Variants in GSG1L observed in about 807,000 individuals in gnomAD.
GSG1L encodes the protein GSG1 like, also known as germ cell-specific gene 1-like protein.
GSG1L carries 24 observed loss-of-function variants against 42.1 expected under a neutral mutation model. The observed-to-expected ratio is 0.57, with a 90% CI of 0.41 to 0.80. The LOEUF (loss-of-function observed/expected upper bound fraction) is 0.80, where lower values mean the gene tolerates loss of function less well. GSG1L is among the 30% of genes least tolerant of loss of function. The probability of loss-of-function intolerance (pLI) is 0.00; values close to 1 mark genes in which losing one functional copy is unlikely to be tolerated. For missense variants in GSG1L, 445 were observed against 472.2 expected, an observed-to-expected ratio of 0.94 and a Z score of 0.53; for synonymous variants, 215 against 203.5, an observed-to-expected ratio of 1.06 and a Z score of -0.48.
At chr16:27,848,096 C>T (rs1278144656) in intron 3 of GSG1L, among the ~76,000 whole-genome samples, 7 of 152,132 alleles carry the variant, frequency 4.6e-5, no homozygotes, top group Admixed American at 4.6e-4. Context: ...GATTCAGTGG[C>T]TTATATTTAT....
chr16:27,923,746 AAGGAAG>A (rs761580324), intron 2 of GSG1L, among the ~76,000 whole-genome samples: 52 of 138,384 alleles, frequency 3.8e-4, no homozygotes, highest in East Asian at 3.4e-3. Context: ...AAAAAAAAAA[AAGGAAG>A]AAAGAAAGAA....
At chr16:27,807,438 G>A (rs1406767442) in intron 6 of GSG1L, 49 bp downstream of exon 6, 5 of 1,495,372 alleles carry the variant, frequency 3.3e-6, no homozygotes, top group Non-Finnish European at 4.6e-6. Context: ...TTTCTCCTCT[G>A]GCAGCCCATG....
intron 1 of GSG1L, among the ~76,000 whole-genome samples, chr16:28,006,928 G>A (rs2085646958): frequency 6.6e-6 from 1 of 152,074 alleles, no homozygotes; most frequent in African/African-American, 2.4e-5. Flanking sequence ...TTTGCAGCTG[G>A]CACAGCATCT....
intron 4 of GSG1L, among the ~76,000 whole-genome samples, chr16:27,843,500 T>C (rs1271977128): frequency 1.6e-5 from 2 of 122,492 alleles, no homozygotes; most frequent in Admixed American, 9.2e-5. Context: ...GAGCAGAGAC[T>C]CTGTAAAAAA....
intron 6 of GSG1L, among the ~76,000 whole-genome samples, chr16:27,799,926 A>C (rs982574794): frequency 1.3e-5 from 2 of 152,152 alleles, no homozygotes; most frequent in African/African-American, 4.8e-5. Context: ...GACAACTGCA[A>C]ATTTGGTCTG....
rs141468062 is a variant in GSG1L at position 27,926,866 on chromosome 16, G to T, written c.397+36290C>A. ...CACCGGGATAGAAGCATTTAATAAC[G>T]GCCCAATTAATTATCTCAACAACCC... On this transcript the variant is annotated intron_variant, in intron 2 of 6. Coordinates refer to ENST00000447459, the MANE Select transcript of GSG1L (RefSeq NM_001109763.2). Among the ~76,000 whole-genome samples, 524 of 152,210 alleles carry T rather than the reference G, an allele frequency of 3.4e-3. 2 individuals are homozygous for T. The highest frequency in any genetic ancestry group is 0.01 in the Middle Eastern group (3 of 294).
chr16:27,870,471 C>A (rs1044192603), intron 3 of GSG1L, among the ~76,000 whole-genome samples: 1 of 151,294 alleles, frequency 6.6e-6, no homozygotes, highest in Non-Finnish European at 1.5e-5. Context: ...TTCTCTCTCT[C>A]CTTAAGTGTG....
At chr16:27,936,175 C>T (rs948536288) in intron 2 of GSG1L, among the ~76,000 whole-genome samples, 3 of 151,994 alleles carry the variant, frequency 2.0e-5, no homozygotes, top group Admixed American at 1.3e-4. Flanking sequence ...GCATCCTTAT[C>T]GGCAGACCAT....
At chr16:27,908,157 G>A (rs1340842230) in intron 2 of GSG1L, among the ~76,000 whole-genome samples, 2 of 152,228 alleles carry the variant, frequency 1.3e-5, no homozygotes, top group African/African-American at 4.8e-5. Context: ...CCTCTTGCTT[G>A]CACCTGTTGT....
chr16:27,991,108 G>C (rs1304795757), intron 1 of GSG1L, among the ~76,000 whole-genome samples: 1 of 152,156 alleles, frequency 6.6e-6, no homozygotes, highest in Non-Finnish European at 1.5e-5. Flanking sequence ...TAGAAAAGGG[G>C]AATTGGAGAC....
chr16:28,058,057 C>A (rs576249761), intron 1 of GSG1L, among the ~76,000 whole-genome samples: 1 of 152,338 alleles, frequency 6.6e-6, no homozygotes, highest in South Asian at 2.1e-4. Flanking sequence ...AAACCCGGGG[C>A]TCGTGACTCC....
intron 3 of GSG1L, among the ~76,000 whole-genome samples, chr16:27,879,431 C>T (rs1206634208): frequency 6.6e-6 from 1 of 152,016 alleles, no homozygotes; most frequent in African/African-American, 2.4e-5. Context: ...TATAGCAAGA[C>T]CTCATCTTCA....
intron 5 of GSG1L, among the ~76,000 whole-genome samples, chr16:27,820,331 G>A (rs112983861): frequency 6.6e-6 from 1 of 152,154 alleles, no homozygotes; most frequent in Non-Finnish European, 1.5e-5. Flanking sequence ...CAGAGACGGC[G>A]TCGGCACACA....
At chr16:27,873,347 G>C (rs2141013763) in intron 3 of GSG1L, among the ~76,000 whole-genome samples, 1 of 152,308 alleles carries the variant, frequency 6.6e-6, no homozygotes, top group East Asian at 1.9e-4. Context: ...CTGCATATGT[G>C]TTTTACAGCA....
intron 5 of GSG1L, among the ~76,000 whole-genome samples, chr16:27,811,969 G>A (rs2083036615): frequency 6.6e-6 from 1 of 152,148 alleles, no homozygotes; most frequent in African/African-American, 2.4e-5. Flanking sequence ...TTTCTTCTCT[G>A]AAGTCTCATC....
intron 2 of GSG1L, among the ~76,000 whole-genome samples, chr16:27,903,997 G>T (rs537539048): frequency 6.6e-6 from 1 of 151,986 alleles, no homozygotes; most frequent in African/African-American, 2.4e-5. Context: ...TTGCTGAAAC[G>T]TGCCAGGCAC....
chr16:27,792,904 G>A (rs2082771223), intron 6 of GSG1L, among the ~76,000 whole-genome samples: 1 of 152,232 alleles, frequency 6.6e-6, no homozygotes, highest in Non-Finnish European at 1.5e-5. Context: ...AGGGAGCCGA[G>A]GCTCTGTAAG....
chr16:28,056,835 T>G (rs1286212806), intron 1 of GSG1L, among the ~76,000 whole-genome samples: 2 of 151,934 alleles, frequency 1.3e-5, no homozygotes, highest in African/African-American at 4.8e-5. Context: ...TGATACGCAG[T>G]GGGTATGACC....
At chr16:27,891,100 C>T (rs928035602) in intron 2 of GSG1L, among the ~76,000 whole-genome samples, 1 of 152,128 alleles carries the variant, frequency 6.6e-6, no homozygotes, top group Non-Finnish European at 1.5e-5. Context: ...CCAACCTGCC[C>T]CCATCCCCAG....
Sources: gnomAD v4.1 joint callset for allele counts (sites outside exome capture counted in the v4.1 genomes callset) on GRCh38, gnomAD v4.1.1 for gene constraint, MANE v1.5 for transcripts, NCBI Gene and HGNC (gene_info 2026-07-23, HGNC 2026-07-21) for gene names.